RASSF6: variants seen among roughly 807,000 people sequenced by gnomAD.
RASSF6 encodes the protein Ras association domain family member 6.
In RASSF6, 52 loss-of-function variants were observed where a neutral mutation model predicts 44.0. The observed-to-expected ratio is 1.18, with a 90% CI of 0.95 to 1.49. RASSF6 has a LOEUF of 1.49. Ranked by LOEUF, RASSF6 falls within the 40% of genes most tolerant of loss-of-function variation. The pLI is 0.00. For synonymous variants in RASSF6, 162 were observed against 124.6 expected, an observed-to-expected ratio of 1.30 and a Z score of -2.00; for missense variants, 464 against 393.3, an observed-to-expected ratio of 1.18 and a Z score of -1.52.
chr4:73,587,595 G>A (rs1569207), intron 5 of RASSF6, among the ~76,000 whole-genome samples: 88,950 of 151,650 alleles, frequency 0.59, 26,665 homozygotes, highest in East Asian at 0.68. Context: ...AAATCTAAGT[G>A]ACATAATATA....
At position 73,610,166 on chromosome 4, in the gene RASSF6, A is replaced by G. The variant is rs1725907230; in HGVS notation, c.65+1565T>C. ...GTTAACTCCATTTTTCTAGATCAAA[A>G]TTTTTAGAATTATCCTTGGTTATTC... On this transcript the variant is annotated intron_variant, in intron 2 of 10. Transcript: ENST00000307439. 2.0e-5 allele frequency among the ~76,000 whole-genome samples: 3 copies of G among 152,238 alleles called. No homozygotes were observed. In the South Asian group the frequency reaches 6.2e-4, roughly 32 times the overall value.
At chr4:73,588,550 T>C (rs1277225869) in intron 4 of RASSF6, among the ~76,000 whole-genome samples, 2 of 152,072 alleles carry the variant, frequency 1.3e-5, no homozygotes, top group East Asian at 3.8e-4. Context: ...TGTTTATTTT[T>C]ACGGCAGGTC....
chr4:73,601,188 T>C (rs1017720996), intron 2 of RASSF6, among the ~76,000 whole-genome samples: 10 of 152,244 alleles, frequency 6.6e-5, no homozygotes, highest in African/African-American at 2.2e-4. Context: ...GAATAGAGCC[T>C]GACTAAATCC....
chr4:73,611,193 C>T (rs949312903), intron 2 of RASSF6, among the ~76,000 whole-genome samples: 5 of 152,130 alleles, frequency 3.3e-5, no homozygotes, highest in Non-Finnish European at 5.9e-5. Flanking sequence ...GTAGCTTGGC[C>T]AGTTTCAGTT....
At chr4:73,619,399 C>G (rs924183785) in intron 1 of RASSF6, among the ~76,000 whole-genome samples, 1 of 152,178 alleles carries the variant, frequency 6.6e-6, no homozygotes, top group Non-Finnish European at 1.5e-5. Context: ...TGTCCTGGAT[C>G]CAGTCTCCGG....
At chr4:73,616,456 T>C (rs1726371836) in intron 1 of RASSF6, among the ~76,000 whole-genome samples, 1 of 152,212 alleles carries the variant, frequency 6.6e-6, no homozygotes, top group Non-Finnish European at 1.5e-5. Flanking sequence ...ATTTCATTTT[T>C]GTGTCTTCTA....
Position 73,572,780 on chromosome 4 carries a change from GATGTAAAAAGTAACA to G in RASSF6, c.*3440_*3454del. On this transcript the variant is annotated 3_prime_UTR_variant, in exon 11 of 11. Transcript: ENST00000307439. ...TTAAATAATAACTTTACTATTTCCTGATGTAAAAAGTAACAAATATAAACTATAGAACACTTAATA... is the reference window on the plus strand; with the variant it reads ...TTAAATAATAACTTTACTATTTCCTGAATATAAACTATAGAACACTTAATA... The G allele has an allele frequency of 6.6e-6, 1 of 152,088 alleles. No individual in the cohort carries two copies. Among genetic ancestry groups the G allele is most frequent in the African/African-American group, 2.4e-5 (1 of 41,410 alleles). The allele number at this position is 152,088 out of a possible 1,614,324, so 9.4% of individuals were successfully genotyped here.
At position 73,593,590 on chromosome 4, in the gene RASSF6, C is replaced by T. The variant is rs1205412024; in HGVS notation, c.148G>A (p.Glu50Lys). Residue 50 changes from glutamate to lysine, a missense_variant, in exon 4 of 11, where the codon GAA becomes AAA. Coordinates refer to ENST00000307439, the MANE Select transcript of RASSF6 (RefSeq NM_177532.5). ...CCTTCAACAATTAGTTTGCCATCTT[C>T]AGTCTAAGGAAGAAATGAATAATCC... ...KNLHILYGET[E>K]DGKLIVEGML... 17 of 1,612,994 alleles carry T rather than the reference C, an allele frequency of 1.1e-5. No individual in the cohort carries two copies. The highest frequency in any genetic ancestry group is 1.4e-5 in the Non-Finnish European group (16 of 1,179,556).
intron 5 of RASSF6, among the ~76,000 whole-genome samples, chr4:73,587,292 G>A (rs1057434873): frequency 2.0e-5 from 3 of 151,944 alleles, no homozygotes; most frequent in South Asian, 2.1e-4. Flanking sequence ...GTTCAGTATG[G>A]ATCCATTTGA....
chr4:73,582,040 AG>A, intron 7 of RASSF6, 148 bp downstream of exon 7: 1 of 650,850 alleles, frequency 1.5e-6, no homozygotes, highest in Non-Finnish European at 2.6e-6. Context: ...AGTTACTAAA[AG>A]GTGTTATACA....
intron 1 of RASSF6, among the ~76,000 whole-genome samples, chr4:73,616,742 A>T (rs1313568632): frequency 6.6e-6 from 1 of 152,242 alleles, no homozygotes; most frequent in East Asian, 1.9e-4. Context: ...CAATTATGAG[A>T]TAAGAGTATG....
At position 73,599,471 on chromosome 4, in the gene RASSF6, C is replaced by A. The variant is rs192322301; in HGVS notation, c.66-753G>T. Among the ~76,000 whole-genome samples, 5 of 152,314 alleles carry A rather than the reference C, an allele frequency of 3.3e-5. No individual in the cohort carries two copies. The South Asian group carries it at 6.2e-4, about 19-fold the overall frequency. On this transcript the variant is annotated intron_variant, in intron 2 of 10. Transcript: ENST00000307439. Reference sequence around the variant, plus strand: ...CCAGATGTGCTGGTGAGTGACTCAGCGCTTTCTTGCCTGGAAACTCCTCCC... The same window carrying A: ...CCAGATGTGCTGGTGAGTGACTCAGAGCTTTCTTGCCTGGAAACTCCTCCC...
Position 73,598,662 on chromosome 4 carries a change from T to C in RASSF6, c.122A>G (p.Asn41Ser). The part of the protein sequence containing the change: ...TYNIFYENQK[N>S]LHILYGETED... ...TACCTCTCCATATAAAATATGCAGA[T>C]TTTTCTGGTTCTCATAAAAAATGTT... Residue 41 changes from asparagine to serine, a missense_variant, in exon 3 of 11, where the codon AAT becomes AGT. Physicochemically the swap from Asn to Ser is conservative, Grantham distance 46. Coordinates refer to ENST00000307439, the MANE Select transcript of RASSF6 (RefSeq NM_177532.5). The C allele has an allele frequency of 6.5e-7, 1 of 1,536,846 alleles. No individual in the cohort carries two copies. The highest frequency in any genetic ancestry group is 8.9e-7 in the Non-Finnish European group (1 of 1,128,492).
At chr4:73,585,486 T>G in intron 5 of RASSF6, 122 bp from the exon 6 acceptor site, 1 of 612,684 alleles carries the variant, frequency 1.6e-6, no homozygotes, top group Non-Finnish European at 2.6e-6. Context: ...TGTAAAAGCA[T>G]TATAGTCCAC....
At position 73,585,237 on chromosome 4, in the gene RASSF6, G is replaced by T; in HGVS notation, c.510C>A (p.Asp170Glu). Residue 170 changes from aspartate (D) to glutamate (E), a missense_variant, in exon 6 of 11, where the codon GAC (aspartate) becomes GAA (glutamate). By Grantham distance (45) the Asp-to-Glu change is conservative (BLOSUM62 2). Coordinates refer to ENST00000307439, the MANE Select transcript of RASSF6 (RefSeq NM_177532.5). The part of the protein sequence containing the change: ...VRKRMKPLMM[D>E]RKERQKNRAS... ...CTCTATTTTTCTGTCTTTCTTTTCT[G>T]TCCATCATCAGAGGCTTCATCCTTT... 6.2e-7 allele frequency: 1 copy of T among 1,612,432 alleles called. No homozygotes were observed. The highest frequency in any genetic ancestry group is 1.1e-5 in the South Asian group (1 of 90,846).
intron 1 of RASSF6, among the ~76,000 whole-genome samples, chr4:73,614,661 A>G (rs967076591): frequency 3.3e-5 from 5 of 152,224 alleles, no homozygotes; most frequent in African/African-American, 1.2e-4. Flanking sequence ...AATATCAAAG[A>G]TATCATTAAA....
rs1314223856 is a variant in RASSF6 at position 73,574,734 on chromosome 4, A to G, written c.*1501T>C. The G allele has an allele frequency of 2.0e-5, 3 of 151,902 alleles. No individual in the cohort carries two copies. Among genetic ancestry groups the G allele is most frequent in the Admixed American group, 6.6e-5 (1 of 15,240 alleles). 9.4% of individuals were successfully genotyped at this position (151,902 alleles called of 1,614,324 possible). A position where few individuals can be genotyped will look rare whatever the true frequency, so the allele number is the denominator to read the frequency against. On this transcript the variant is annotated 3_prime_UTR_variant, in exon 11 of 11. Coordinates refer to ENST00000307439, the MANE Select transcript of RASSF6 (RefSeq NM_177532.5). ...TTTCATATACTTAGTGGCCATTTGC[A>G]TTCTCTCTTCTGTGATTTTTCTTTT... is the stretch of plus-strand genomic sequence containing the variant.
intron 2 of RASSF6, among the ~76,000 whole-genome samples, chr4:73,607,044 T>C (rs1037533665): frequency 1.3e-5 from 2 of 152,162 alleles, no homozygotes; most frequent in African/African-American, 4.8e-5. Context: ...TCAGTAATGC[T>C]GCCATGACTT....
intron 2 of RASSF6, among the ~76,000 whole-genome samples, chr4:73,600,564 G>C (rs1218637339): frequency 6.6e-6 from 1 of 152,122 alleles, no homozygotes. Context: ...GCTCACAGTA[G>C]GCTCTTCTTC....
Sources: gnomAD v4.1 joint callset for allele counts (sites outside exome capture counted in the v4.1 genomes callset) on GRCh38, gnomAD v4.1.1 for gene constraint, MANE v1.5 for transcripts, NCBI Gene and HGNC (gene_info 2026-07-23, HGNC 2026-07-21) for gene names.